The following AP4S1 variants were observed in gnomAD, a reference collection of about 807,000 sequenced individuals.
The protein encoded by AP4S1 is AP-4 complex subunit sigma-1.
In AP4S1, 23 loss-of-function variants were observed where a neutral mutation model predicts 19.8. The observed-to-expected ratio is 1.16, with a 90% CI of 0.84 to 1.65. The LOEUF (loss-of-function observed/expected upper bound fraction) is 1.65, where lower values mean the gene tolerates loss of function less well. AP4S1 is among the 40% of genes most tolerant of loss of function. AP4S1 has a pLI of 0.00. For missense variants in AP4S1, 166 were observed against 172.8 expected (o/e 0.96, Z 0.22); for synonymous variants, 46 against 54.1 (o/e 0.85, Z 0.66).
At position 31,080,597 on chromosome 14, in the gene AP4S1, A is replaced by G. The variant is rs778705180; in HGVS notation, c.306+13A>G. Reference sequence around the variant, plus strand: ...GAGTGAATTAGATGTATCCTTTTTCAATACTGTTTTCCACAGTACTTGGCA... The same window carrying G: ...GAGTGAATTAGATGTATCCTTTTTCGATACTGTTTTCCACAGTACTTGGCA... On this transcript the variant is annotated intron_variant, in intron 5 of 5. Transcript: ENST00000542754. The G allele has an allele frequency of 6.2e-7, 1 of 1,613,724 alleles. No homozygotes were observed. Among genetic ancestry groups the G allele is most frequent in the Non-Finnish European group, 8.5e-7 (1 of 1,179,704 alleles).
intron 5 of AP4S1, among the ~76,000 whole-genome samples, chr14:31,089,253 C>CTT (rs1246798413): frequency 1.3e-5 from 2 of 151,968 alleles, no homozygotes; most frequent in African/African-American, 4.8e-5. Context: ...TGATGATAGC[C>CTT]TTCTATATGG....
chr14:31,050,588 G>T (rs978383238), intron 1 of AP4S1, among the ~76,000 whole-genome samples: 29 of 152,260 alleles, frequency 1.9e-4, no homozygotes, highest in African/African-American at 7.0e-4. Flanking sequence ...GGGATTACAG[G>T]TTTGAGTATT....
chr14:31,060,624 A>T (rs1886384256), intron 1 of AP4S1, among the ~76,000 whole-genome samples: 1 of 152,176 alleles, frequency 6.6e-6, no homozygotes, highest in East Asian at 1.9e-4. Flanking sequence ...AAGCAGGCAA[A>T]ATCCCCAAAG....
chr14:31,036,448 C>T (rs1163205373), intron 1 of AP4S1, among the ~76,000 whole-genome samples: 1 of 152,180 alleles, frequency 6.6e-6, no homozygotes, highest in Non-Finnish European at 1.5e-5. Flanking sequence ...GGGGATACAG[C>T]ATACTTCCTG....
intron 2 of AP4S1, 52 bp from the exon 3 acceptor site, chr14:31,069,791 A>G: frequency 7.3e-7 from 1 of 1,378,512 alleles, no homozygotes; most frequent in South Asian, 1.2e-5. Context: ...ATGTCATTTT[A>G]AAGAACTCTC....
intron 1 of AP4S1, among the ~76,000 whole-genome samples, chr14:31,028,737 A>G (rs1884203893): frequency 6.7e-6 from 1 of 150,234 alleles, no homozygotes; most frequent in Non-Finnish European, 1.5e-5. Flanking sequence ...ACATGGCAAA[A>G]CCCCGTCTCT....
At chr14:31,092,766 T>A in intron 5 of AP4S1, 141 bp from the exon 6 acceptor site, 1 of 615,810 alleles carries the variant, frequency 1.6e-6, no homozygotes, top group Non-Finnish European at 2.7e-6. Context: ...ATGCCAGTTT[T>A]AAATTTAATT....
chr14:31,077,497 C>T (rs1003352195), intron 4 of AP4S1, among the ~76,000 whole-genome samples: 1 of 152,134 alleles, frequency 6.6e-6, no homozygotes, highest in African/African-American at 2.4e-5. Context: ...CTTAGTGCAG[C>T]AGTTCTCAAA....
intron 1 of AP4S1, among the ~76,000 whole-genome samples, chr14:31,060,912 CAG>C (rs1459992155): frequency 2.0e-5 from 3 of 151,324 alleles, no homozygotes; most frequent in South Asian, 2.1e-4. Flanking sequence ...CTTTTTGAGA[CAG>C]AGTCTTGCTC....
In AP4S1 at chr14:31,075,964, G is replaced by GTC. The variant is rs1887334242; in HGVS notation, c.294+2991_294+2992insTC. On this transcript the variant is annotated intron_variant, in intron 4 of 5. Coordinates refer to ENST00000542754, the MANE Select transcript of AP4S1 (RefSeq NM_001128126.3). The stretch of plus-strand genomic sequence containing the variant: ...ATGTTGAGGCTGGTCTCAAACTCCT[G>GTC]ACCTCAGGTGATCCGCCTGCCTCGG... Among the ~76,000 whole-genome samples the GTC allele has an allele frequency of 2.0e-5, 3 of 152,190 alleles. No individual in the cohort carries two copies. In the East Asian group the frequency reaches 5.8e-4, roughly 29 times the overall value.
At chr14:31,041,219 T>C (rs925675312) in intron 1 of AP4S1, among the ~76,000 whole-genome samples, 3 of 152,064 alleles carry the variant, frequency 2.0e-5, no homozygotes, top group African/African-American at 7.2e-5. Flanking sequence ...GCGTAATCTC[T>C]GCTCACTGCA....
At chr14:31,087,700 T>C (rs1327915681) in intron 5 of AP4S1, among the ~76,000 whole-genome samples, 1 of 152,172 alleles carries the variant, frequency 6.6e-6, no homozygotes, top group Admixed American at 6.5e-5. Flanking sequence ...GAGTAGACTG[T>C]GGCAATTTAG....
intron 1 of AP4S1, among the ~76,000 whole-genome samples, chr14:31,041,995 A>AT (rs1885137168): frequency 6.6e-6 from 1 of 151,986 alleles, no homozygotes; most frequent in Non-Finnish European, 1.5e-5. Context: ...CACCCGGCTA[A>AT]TTTTTTTGTA....
rs1888199402 is a variant in AP4S1 at position 31,096,238 on chromosome 14, A to G, written c.*3203A>G. 6.6e-6 allele frequency: 1 copy of G among 152,042 alleles called. No individual in the cohort carries two copies. Among genetic ancestry groups the G allele is most frequent in the Non-Finnish European group, 1.5e-5 (1 of 68,010 alleles). The allele number at this position is 152,042 out of a possible 1,614,324, so 9.4% of individuals were successfully genotyped here. A position where few individuals can be genotyped will look rare whatever the true frequency, so the allele number is the denominator to read the frequency against. Reference sequence around the variant, plus strand: ...AAATTACTGTCATTACAGAAGAGCAATGCACTGCATCCCCCCAAAACCTTT... The same window carrying G: ...AAATTACTGTCATTACAGAAGAGCAGTGCACTGCATCCCCCCAAAACCTTT... On this transcript the variant is annotated 3_prime_UTR_variant, in exon 6 of 6. Coordinates refer to ENST00000542754, the MANE Select transcript of AP4S1 (RefSeq NM_001128126.3).
At chr14:31,069,764 G>A in intron 2 of AP4S1, 79 bp from the exon 3 acceptor site, 1 of 1,057,306 alleles carries the variant, frequency 9.5e-7, no homozygotes, top group Non-Finnish European at 1.5e-6. Flanking sequence ...GGGTAAATCA[G>A]AACCTAGAAC....
chr14:31,069,595 A>G (rs941862191), intron 2 of AP4S1, among the ~76,000 whole-genome samples: 5 of 152,194 alleles, frequency 3.3e-5, no homozygotes, highest in African/African-American at 9.6e-5. Context: ...AAGGAACAAG[A>G]AGGAGTGTAA....
intron 5 of AP4S1, among the ~76,000 whole-genome samples, chr14:31,087,404 T>C (rs1249606663): frequency 1.3e-5 from 2 of 152,248 alleles, no homozygotes; most frequent in Non-Finnish European, 2.9e-5. Flanking sequence ...TTGTCCGTGC[T>C]GGAGTGCAGT....
chr14:31,026,603 T>C (rs1229072070), intron 1 of AP4S1: 1 of 163,250 alleles, frequency 6.1e-6, no homozygotes, highest in African/African-American at 2.4e-5. Flanking sequence ...GAGCTCGGGC[T>C]CCGCCCCTAG....
intron 1 of AP4S1, among the ~76,000 whole-genome samples, chr14:31,045,738 G>A (rs1885359321): frequency 6.6e-6 from 1 of 152,058 alleles, no homozygotes; most frequent in Non-Finnish European, 1.5e-5. Context: ...CTGTGACAAA[G>A]CCCCTAATAC....
Sources: allele counts gnomAD v4.1 joint callset (sites outside exome capture counted in the v4.1 genomes callset), GRCh38; gene constraint gnomAD v4.1.1; transcripts MANE v1.5; gene names NCBI Gene and HGNC (gene_info 2026-07-23, HGNC 2026-07-21).